Variants in GDF10 observed in about 807,000 individuals in gnomAD.
GDF10 encodes growth/differentiation factor 10.
Under a neutral mutation model 32.1 loss-of-function variants are expected in GDF10, and 23 were observed. The observed-to-expected ratio is 0.72, with a 90% CI of 0.52 to 1.02. The LOEUF (loss-of-function observed/expected upper bound fraction) is 1.02, where lower values mean the gene tolerates loss of function less well. GDF10 is among the 50% of genes least tolerant of loss of function. The probability of loss-of-function intolerance (pLI) is 0.00; values close to 1 mark genes in which losing one functional copy is unlikely to be tolerated. For missense variants in GDF10, 764 were observed against 673.9 expected, an observed-to-expected ratio of 1.13 and a Z score of -1.48; for synonymous variants, 328 against 303.1, an observed-to-expected ratio of 1.08 and a Z score of -0.85.
At chr10:47,307,973 G>C (rs1473006767) in intron 1 of GDF10, among the ~76,000 whole-genome samples, 2 of 152,186 alleles carry the variant, frequency 1.3e-5, no homozygotes, top group African/African-American at 2.4e-5. Flanking sequence ...GTGTGAGATG[G>C]AGGCTGTTGT....
intron 2 of GDF10, among the ~76,000 whole-genome samples, chr10:47,311,353 C>G (rs1359322860): frequency 6.6e-6 from 1 of 152,242 alleles, no homozygotes; most frequent in Admixed American, 6.5e-5. Flanking sequence ...GTGGCTGAGT[C>G]CATCCCTCTC....
In GDF10 at chr10:47,309,898, G is replaced by C; in HGVS notation, c.422G>C (p.Arg141Pro). Residue 141 changes from arginine (R) to proline (P), a missense_variant, in exon 2 of 3, where the codon CGG becomes CCG. By Grantham distance (103) the Arg-to-Pro change is moderately radical. Coordinates refer to ENST00000580279, the MANE Select transcript of GDF10 (RefSeq NM_004962.5). ...ATFHFYSEPP[R>P]WPRALEVLCK... ...TTCCACTTCTACTCAGAGCCGCCTC[G>C]GTGGCCTCGAGCGCTCGAGGTGCTA... The C allele has an allele frequency of 1.1e-5, 17 of 1,613,028 alleles. No individual in the cohort carries two copies. Among genetic ancestry groups the C allele is most frequent in the African/African-American group, 1.3e-5 (1 of 75,068 alleles).
chr10:47,301,617 G>A (rs561519885), intron 1 of GDF10, among the ~76,000 whole-genome samples: 3 of 152,334 alleles, frequency 2.0e-5, no homozygotes, highest in Admixed American at 6.5e-5. Flanking sequence ...GAGCTGGGCA[G>A]AGGGCACTTG....
At chr10:47,311,128 C>T (rs1370155868) in intron 2 of GDF10, among the ~76,000 whole-genome samples, 2 of 152,222 alleles carry the variant, frequency 1.3e-5, no homozygotes, top group Admixed American at 6.5e-5. Flanking sequence ...TGTTCCCAGC[C>T]TGGACCCCAG....
At position 47,310,445 on chromosome 10, in the gene GDF10, G is replaced by A. The variant is rs782777009; in HGVS notation, c.969G>A (p.Leu323=). The A allele has an allele frequency of 2.5e-6, 4 of 1,613,460 alleles. No homozygotes were observed. Among genetic ancestry groups the A allele is most frequent in the Non-Finnish European group, 3.4e-6 (4 of 1,179,820 alleles). Residue 323 remains leucine, a synonymous_variant, in exon 2 of 3, where the codon CTG becomes CTA. Coordinates refer to ENST00000580279, the MANE Select transcript of GDF10 (RefSeq NM_004962.5). ...AHAQHFHKHQ[L]WPSPFRALKP... ...CACAGCACTTCCACAAGCACCAGCT[G>A]TGGCCCAGCCCCTTCCGGGCGCTGA...
At position 47,310,558 on chromosome 10, in the gene GDF10, C is replaced by A. The variant is rs782416277; in HGVS notation, c.1082C>A (p.Thr361Lys). The A allele has an allele frequency of 1.2e-6, 2 of 1,614,206 alleles. No individual in the cohort carries two copies. Among genetic ancestry groups the A allele is most frequent in the Non-Finnish European group, 1.7e-6 (2 of 1,180,032 alleles). Residue 361 changes from threonine to lysine, a missense_variant, in exon 2 of 3, where the codon ACG (threonine) becomes AAG (lysine). Transcript: ENST00000580279. ...ASQVLDFDEKTMQKARRKQWD... is the reference protein window; with the variant it reads ...ASQVLDFDEKKMQKARRKQWD... ...CAGGTGCTGGACTTTGACGAGAAGA[C>A]GATGCAGAAAGCCCGGAGGAAGCAG...
At chr10:47,302,783 A>G (rs1265954683) in intron 1 of GDF10, among the ~76,000 whole-genome samples, 2 of 152,178 alleles carry the variant, frequency 1.3e-5, no homozygotes, top group African/African-American at 4.8e-5. Flanking sequence ...AGCTATGACC[A>G]GGGTCTGGGA....
chr10:47,307,549 G>A (rs544866437), intron 1 of GDF10, among the ~76,000 whole-genome samples: 1 of 152,350 alleles, frequency 6.6e-6, no homozygotes, highest in East Asian at 1.9e-4. Flanking sequence ...TCATGCACTG[G>A]GGCTGGGGGT....
Position 47,310,405 on chromosome 10 carries a change from C to G in GDF10, c.929C>G (p.Pro310Arg). 1 of 1,610,378 alleles carries G rather than the reference C, an allele frequency of 6.2e-7. No individual in the cohort carries two copies. Among genetic ancestry groups the G allele is most frequent in the Non-Finnish European group, 8.5e-7 (1 of 1,179,176 alleles). ...GAGCTGCCGGGGCTGGATGAGAGGC[C>G]GCCGCGCGCCCACGCACAGCACTTC... ...DNELPGLDERPPRAHAQHFHK... is the reference protein window; with the variant it reads ...DNELPGLDERRPRAHAQHFHK... Residue 310 changes from proline to arginine, a missense_variant, in exon 2 of 3, where the codon CCG (proline) becomes CGG (arginine). Physicochemically the swap from Pro to Arg is moderately radical, Grantham distance 103 (BLOSUM62 -2). Transcript: ENST00000580279.
intron 2 of GDF10, among the ~76,000 whole-genome samples, chr10:47,311,438 C>T (rs1197675726): frequency 4.6e-5 from 7 of 152,240 alleles, no homozygotes; most frequent in Non-Finnish European, 1.5e-5. Context: ...TTTCTTCCTG[C>T]TTAGTTACTC....
rs1469396621 is a variant in GDF10 at position 47,312,904 on chromosome 10, A to G, written c.*112A>G. The G allele has an allele frequency of 4.8e-6, 3 of 621,568 alleles. No individual in the cohort carries two copies. The highest frequency in any genetic ancestry group is 8.1e-6 in the Non-Finnish European group (3 of 370,672). The allele number at this position is 621,568 out of a possible 1,614,324, so 38.5% of individuals were successfully genotyped here. On this transcript the variant is annotated 3_prime_UTR_variant, in exon 3 of 3. Coordinates refer to ENST00000580279, the MANE Select transcript of GDF10 (RefSeq NM_004962.5). ...ACACAGAGCACAGCTCATGGGCAAC[A>G]TCACTGGGGCCCAGAGAGAGCTGTC... is the stretch of plus-strand genomic sequence containing the variant.
rs377575394 is a variant in GDF10 at position 47,312,840 on chromosome 10, C to G, written c.*48C>G. 13 of 1,314,240 alleles carry G rather than the reference C, an allele frequency of 9.9e-6. No homozygotes were observed. Among genetic ancestry groups the G allele is most frequent in the Non-Finnish European group, 1.2e-5 (12 of 961,772 alleles). 81.4% of individuals were successfully genotyped at this position (1,314,240 alleles called of 1,614,324 possible). A position where few individuals can be genotyped will look rare whatever the true frequency, so the allele number is the denominator to read the frequency against. On this transcript the variant is annotated 3_prime_UTR_variant, in exon 3 of 3. Transcript: ENST00000580279. Reference sequence around the variant, plus strand: ...GCCACGCCCAGCAGAGCTGCCTTCTCGGAGCCTTCTGCAACCAGGACTTGT... The same window carrying G: ...GCCACGCCCAGCAGAGCTGCCTTCTGGGAGCCTTCTGCAACCAGGACTTGT...
intron 1 of GDF10, among the ~76,000 whole-genome samples, chr10:47,301,676 C>A (rs974867246): frequency 6.6e-6 from 1 of 152,232 alleles, no homozygotes; most frequent in Non-Finnish European, 1.5e-5. Flanking sequence ...GCTCCTGCCT[C>A]AGCAGCCTGC....
rs782571162 is a variant in GDF10, at chr10:47,300,837, C to T, written c.186C>T (p.Asp62=). 3.6e-5 allele frequency: 57 copies of T among 1,575,212 alleles called. No homozygotes were observed. The African/African-American group carries it at 6.2e-4, about 17-fold the overall frequency. Residue 62 remains aspartate, a synonymous_variant, in exon 1 of 3, where the codon GAC becomes GAT. Coordinates refer to ENST00000580279, the MANE Select transcript of GDF10 (RefSeq NM_004962.5). The part of the protein sequence containing the change: ...GDRDLQRHPG[D]AAATLGPSAQ... Reference sequence around the variant, plus strand: ...GGGATCTCCAGCGGCACCCTGGGGACGCGGCCGCCACGTTGGGCCCCAGCG... The same window carrying T: ...GGGATCTCCAGCGGCACCCTGGGGATGCGGCCGCCACGTTGGGCCCCAGCG...
Position 47,310,231 on chromosome 10 carries a change from C to T in GDF10, c.755C>T (p.Ala252Val), listed in dbSNP as rs1555207558. 1.9e-6 allele frequency: 3 copies of T among 1,610,002 alleles called. No individual in the cohort carries two copies. The highest frequency in any genetic ancestry group is 2.5e-6 in the Non-Finnish European group (3 of 1,178,334). The change falls in exon 2 of 3, where the codon GCC (alanine) becomes GTC (valine). Residue 252 changes from alanine (A) to valine (V), a missense_variant. By Grantham distance (64) the Ala-to-Val change is moderately conservative. Coordinates refer to ENST00000580279, the MANE Select transcript of GDF10 (RefSeq NM_004962.5). ...ATCCTAGTCTATGCCAACGATCTGG[C>T]CATCTCGGAGCCCAACAGCGTGGCA... ...PYILVYANDL[A>V]ISEPNSVAVT...
chr10:47,300,432 A>G lies in GDF10; in HGVS notation c.-220A>G, dbSNP rs2060999052. On this transcript the variant is annotated 5_prime_UTR_variant, in exon 1 of 3. Coordinates refer to ENST00000580279, the MANE Select transcript of GDF10 (RefSeq NM_004962.5). ...CTCTGCGCTGCTCCGGACGGCTGTG[A>G]CCGCTGGCCGGGGGCTCGGGCCGCC... 4 of 497,432 alleles carry G rather than the reference A, an allele frequency of 8.0e-6. No individual in the cohort carries two copies. The highest frequency in any genetic ancestry group is 2.1e-5 in the African/African-American group (1 of 48,472). 30.8% of individuals were successfully genotyped at this position (497,432 alleles called of 1,614,324 possible). A position where few individuals can be genotyped will look rare whatever the true frequency, so the allele number is the denominator to read the frequency against.
In GDF10 at chr10:47,310,775, G is replaced by GT. The variant is rs564585070; in HGVS notation, c.1245+55dup. 4.6e-4 allele frequency: 563 copies of GT among 1,220,734 alleles called. 3 individuals carry two copies. In the African/African-American group the frequency reaches 7.1e-3, roughly 15 times the overall value. The allele number at this position is 1,220,734 out of a possible 1,614,324, so 75.6% of individuals were successfully genotyped here. A position where few individuals can be genotyped will look rare whatever the true frequency, so the allele number is the denominator to read the frequency against. Reference sequence around the variant, plus strand: ...TCTAAGGCTCAGCTCTGCCGCTACCGTCAAGTTCCTCAGCCTGCAGGACTT... The same window carrying GT: ...TCTAAGGCTCAGCTCTGCCGCTACCGTTCAAGTTCCTCAGCCTGCAGGACTT... On this transcript the variant is annotated intron_variant, in intron 2 of 2. Coordinates refer to ENST00000580279, the MANE Select transcript of GDF10 (RefSeq NM_004962.5).
intron 1 of GDF10, among the ~76,000 whole-genome samples, chr10:47,302,488 G>A (rs868924756): frequency 3.3e-5 from 5 of 152,178 alleles, no homozygotes; most frequent in African/African-American, 1.2e-4. Flanking sequence ...CTGCGACACG[G>A]GTGAGCCTGC....
At chr10:47,312,100 C>T (rs1479334276) in intron 2 of GDF10, among the ~76,000 whole-genome samples, 2 of 152,194 alleles carry the variant, frequency 1.3e-5, no homozygotes, top group East Asian at 1.9e-4. Flanking sequence ...GGGAGAGCAG[C>T]CCCTAGGAAA....
Sources: gnomAD v4.1 joint callset for allele counts (sites outside exome capture counted in the v4.1 genomes callset) on GRCh38, gnomAD v4.1.1 for gene constraint, MANE v1.5 for transcripts, NCBI Gene and HGNC (gene_info 2026-07-23, HGNC 2026-07-21) for gene names.